The following WDHD1 variants were observed in gnomAD, a reference collection of about 807,000 sequenced individuals.
WDHD1 encodes WD repeat and HMG-box DNA-binding protein 1.
A neutral mutation model predicts 135.4 loss-of-function variants in WDHD1; 111 were observed. That is an observed-to-expected ratio of 0.82 (90% CI 0.70 to 0.96). The LOEUF is 0.96. WDHD1 is among the 40% of genes least tolerant of loss of function. The pLI is 0.00. For synonymous variants in WDHD1, 434 were observed against 439.0 expected (o/e 0.99, Z 0.14); for missense variants, 1,351 against 1,336.3 (o/e 1.01, Z -0.17).
At chr14:55,012,636 T>C (rs1247385848) in intron 3 of WDHD1, among the ~76,000 whole-genome samples, 2 of 152,198 alleles carry the variant, frequency 1.3e-5, no homozygotes, top group African/African-American at 4.8e-5. Flanking sequence ...AAATTTATTG[T>C]CTCATGATTC....
intron 24 of WDHD1, among the ~76,000 whole-genome samples, chr14:54,946,482 A>G (rs1485991983): frequency 6.6e-6 from 1 of 152,164 alleles, no homozygotes; most frequent in Non-Finnish European, 1.5e-5. Flanking sequence ...TAAATTATCA[A>G]TCTTCTTTGT....
chr14:54,966,058 G>C (rs1222659793), intron 18 of WDHD1, among the ~76,000 whole-genome samples: 1 of 151,374 alleles, frequency 6.6e-6, no homozygotes, highest in Non-Finnish European at 1.5e-5. Flanking sequence ...GCTGGGTGTG[G>C]TGGCTCACAC....
intron 21 of WDHD1, among the ~76,000 whole-genome samples, chr14:54,957,986 A>T (rs2041188355): frequency 6.6e-6 from 1 of 152,116 alleles, no homozygotes; most frequent in African/African-American, 2.4e-5. Flanking sequence ...TGACCTATCA[A>T]GTTTCTTGAC....
In WDHD1 at chr14:54,972,590, AT is replaced by A. The variant is rs138925337; in HGVS notation, c.2064-5197del. ...AAAAAAAAAAAAAAAAAAAAAAAAA[AT>A]GCCAATGAGGCATATTCACTTTCAT... is the stretch of plus-strand genomic sequence containing the variant. On this transcript the variant is annotated intron_variant, in intron 16 of 25. Coordinates refer to ENST00000360586, the MANE Select transcript of WDHD1 (RefSeq NM_007086.4). Among the ~76,000 whole-genome samples the A allele has an allele frequency of 2.1e-3, 151 of 72,760 alleles. 15 individuals are homozygous for A. Among genetic ancestry groups the A allele is most frequent in the African/African-American group, 2.7e-3 (23 of 8,434 alleles). The allele number at this position is 72,760 out of a possible 152,430, so 47.7% of individuals were successfully genotyped here. A position where few individuals can be genotyped will look rare whatever the true frequency, so the allele number is the denominator to read the frequency against.
intron 3 of WDHD1, among the ~76,000 whole-genome samples, chr14:55,010,844 C>G (rs1235378433): frequency 6.6e-6 from 1 of 152,238 alleles, no homozygotes; most frequent in African/African-American, 2.4e-5. Context: ...GCCACAATGG[C>G]CACTGCCCTA....
chr14:55,007,500 C>T, intron 6 of WDHD1, 125 bp from the exon 7 acceptor site: 1 of 644,014 alleles, frequency 1.6e-6, no homozygotes, highest in South Asian at 2.3e-5. Context: ...ACTTAATGCA[C>T]CTTAATTATA....
chr14:54,982,308 C>T (rs759845930), intron 15 of WDHD1, among the ~76,000 whole-genome samples: 2 of 152,100 alleles, frequency 1.3e-5, no homozygotes, highest in Non-Finnish European at 2.9e-5. Context: ...CGCGCCCGGC[C>T]GATAATAATT....
rs1007665890 is a variant in WDHD1, at chr14:54,988,946, T to C, written c.1526+82A>G. ...ATATTACAAAAAATAAATTTTGTTT[T>C]ATTAACTTTTTGTCTTTAATTTCAA... On this transcript the variant is annotated intron_variant, in intron 13 of 25. Coordinates refer to ENST00000360586, the MANE Select transcript of WDHD1 (RefSeq NM_007086.4). 25 of 1,298,078 alleles carry C rather than the reference T, an allele frequency of 1.9e-5. 1 individual carries two copies. In the South Asian group the frequency reaches 4.1e-4, roughly 21 times the overall value. 80.4% of individuals were successfully genotyped at this position (1,298,078 alleles called of 1,614,324 possible).
rs139969304 is a variant in WDHD1 at position 54,998,836 on chromosome 14, G to T, written c.942+1667C>A. On this transcript the variant is annotated intron_variant, in intron 10 of 25. Transcript: ENST00000360586. ...ACAGTATTTAGGTTATTAAGATCAT[G>T]TAAATGCTATTCATGGCTGAATAAT... 5.6e-4 allele frequency among the ~76,000 whole-genome samples: 85 copies of T among 152,258 alleles called. No individual in the cohort carries two copies. In the Middle Eastern group the frequency reaches 0.014, roughly 24 times the overall value.
chr14:54,988,701 T>C (rs1407564459), intron 13 of WDHD1, among the ~76,000 whole-genome samples: 1 of 151,518 alleles, frequency 6.6e-6, no homozygotes. Context: ...CTGGTTTTTT[T>C]TCTTTACAAT....
At chr14:54,963,544 C>T (rs1404103271) in intron 18 of WDHD1, among the ~76,000 whole-genome samples, 1 of 152,014 alleles carries the variant, frequency 6.6e-6, no homozygotes, top group African/African-American at 2.4e-5. Context: ...GTGGCTCACG[C>T]CTGTAATACC....
At chr14:54,945,465 TG>T in intron 24 of WDHD1, among the ~76,000 whole-genome samples, 1 of 152,270 alleles carries the variant, frequency 6.6e-6, no homozygotes, top group Non-Finnish European at 1.5e-5. Context: ...CTCAGAGATG[TG>T]AAATAACCTA....
intron 16 of WDHD1, among the ~76,000 whole-genome samples, chr14:54,974,091 TAA>T (rs75249088): frequency 2.1e-5 from 3 of 141,208 alleles, no homozygotes; most frequent in African/African-American, 5.2e-5. Context: ...AAGAGGAATT[TAA>T]AAAAAAAAAA....
intron 17 of WDHD1, 48 bp downstream of exon 17, chr14:54,967,232 G>T: frequency 1.5e-6 from 2 of 1,377,152 alleles, no homozygotes; most frequent in South Asian, 1.2e-5. Context: ...GTGTATCACA[G>T]GTGCTGTATT....
Position 54,955,599 on chromosome 14 carries a change from G to A in WDHD1, c.3012C>T (p.Thr1004=), listed in dbSNP as rs61747434. 5.1e-3 allele frequency: 8,195 copies of A among 1,591,530 alleles called. 372 individuals carry two copies. In the African/African-American group the frequency reaches 0.1, roughly 19 times the overall value. ...EENLKNVLSE[T]PAICPPQNTE... ...TGTTTTGAGGAGGACATATAGCTGG[G>A]GTTTCAGATAATACATTTTTAAGAT... Residue 1004 remains threonine, a synonymous_variant, in exon 24 of 26, where the codon ACC becomes ACT. Coordinates refer to ENST00000360586, the MANE Select transcript of WDHD1 (RefSeq NM_007086.4).
At chr14:54,978,981 T>C (rs191742990) in intron 16 of WDHD1, among the ~76,000 whole-genome samples, 1 of 152,342 alleles carries the variant, frequency 6.6e-6, no homozygotes, top group Admixed American at 6.5e-5. Context: ...TACTTTTTTT[T>C]CTTTTTTCAT....
chr14:54,969,972 A>C (rs1257590392), intron 16 of WDHD1, among the ~76,000 whole-genome samples: 2 of 152,264 alleles, frequency 1.3e-5, no homozygotes, highest in Non-Finnish European at 2.9e-5. Context: ...CAATAGATGC[A>C]GAAAAAGCTT....
At chr14:55,010,916 A>G (rs2042158047) in intron 3 of WDHD1, among the ~76,000 whole-genome samples, 1 of 152,246 alleles carries the variant, frequency 6.6e-6, no homozygotes, top group African/African-American at 2.4e-5. Context: ...TGCAGCATCC[A>G]TGCCAGAGAC....
At chr14:54,956,168 G>A (rs1208309097) in intron 23 of WDHD1, among the ~76,000 whole-genome samples, 1 of 151,996 alleles carries the variant, frequency 6.6e-6, no homozygotes, top group African/African-American at 2.4e-5. Context: ...TATCAGAGTG[G>A]AAAAATCAGG....
Sources: allele counts gnomAD v4.1 joint callset (sites outside exome capture counted in the v4.1 genomes callset), GRCh38; gene constraint gnomAD v4.1.1; transcripts MANE v1.5; gene names NCBI Gene and HGNC (gene_info 2026-07-23, HGNC 2026-07-21).